The following PARP4 variants were observed in gnomAD, a reference collection of about 807,000 sequenced individuals.
PARP4 encodes protein mono-ADP-ribosyltransferase PARP4.
A neutral mutation model predicts 187.7 loss-of-function variants in PARP4; 120 were observed. The ratio of observed to expected loss-of-function variants is 0.64; its 90% CI spans 0.55 to 0.74. The LOEUF (loss-of-function observed/expected upper bound fraction) is 0.74. PARP4 is among the 30% of genes least tolerant of loss of function. The pLI, the probability that PARP4 is intolerant of heterozygous loss-of-function variation, is 0.00. For missense variants in PARP4, 1,836 were observed against 2,070.5 expected (o/e 0.89, Z 2.20); for synonymous variants, 654 against 740.9 (o/e 0.88, Z 1.90).
intron 30 of PARP4, among the ~76,000 whole-genome samples, chr13:24,440,963 C>T: frequency 6.6e-6 from 1 of 152,084 alleles, no homozygotes; most frequent in Admixed American, 6.5e-5. Flanking sequence ...ACCTCTGCTT[C>T]CTAGGTGCAA....
chr13:24,502,661 T>C (rs1171062689), intron 2 of PARP4, among the ~76,000 whole-genome samples: 2 of 152,226 alleles, frequency 1.3e-5, no homozygotes, highest in Non-Finnish European at 2.9e-5. Context: ...TTCCACAAAG[T>C]TGCACTCACA....
intron 21 of PARP4, 95 bp downstream of exon 21, chr13:24,456,246 T>C (rs1174485304): frequency 3.1e-6 from 3 of 983,602 alleles, no homozygotes; most frequent in African/African-American, 3.2e-5. Flanking sequence ...GTAATGCTAG[T>C]TTTTCAGGAC....
chr13:24,439,326 CA>C (rs34752537), intron 30 of PARP4, among the ~76,000 whole-genome samples: 73,860 of 139,454 alleles, frequency 0.53, 19,557 homozygotes, highest in South Asian at 0.65. Flanking sequence ...GACCCTGTCT[CA>C]AAAAAAAAAA....
At chr13:24,426,643 C>A in intron 32 of PARP4, 45 bp from the exon 33 acceptor site, 1 of 1,557,284 alleles carries the variant, frequency 6.4e-7, no homozygotes, top group Non-Finnish European at 8.8e-7. Flanking sequence ...AACTCTGCAT[C>A]TCAAACTGTG....
intron 12 of PARP4, 109 bp downstream of exon 12, chr13:24,484,544 T>C: frequency 2.7e-6 from 2 of 731,010 alleles, no homozygotes; most frequent in East Asian, 2.5e-5. Flanking sequence ...AGGTCATATA[T>C]AATAGATAAA....
intron 24 of PARP4, among the ~76,000 whole-genome samples, chr13:24,451,768 A>G (rs1871531882): frequency 6.6e-6 from 1 of 152,220 alleles, no homozygotes; most frequent in Non-Finnish European, 1.5e-5. Flanking sequence ...TGTTTTCCTT[A>G]CACATACACC....
At chr13:24,492,951 G>C (rs1161244181) in intron 8 of PARP4, among the ~76,000 whole-genome samples, 1 of 152,176 alleles carries the variant, frequency 6.6e-6, no homozygotes. Flanking sequence ...AATCAGACCA[G>C]GGATAAAAAC....
At chr13:24,484,626 G>A (rs1454249949) in intron 12 of PARP4, 27 bp downstream of exon 12, 15 of 1,465,470 alleles carry the variant, frequency 1.0e-5, no homozygotes, top group Admixed American at 1.7e-5. Flanking sequence ...ATTCAGTAAC[G>A]ATTCTGTGAT....
rs1387209108 is a variant in PARP4, at chr13:24,501,701, A to T, written c.266T>A (p.Val89Glu). ...GGGCTTATAAGGATCATAATTCTTTACATCCAAGAGTCTCTTTTCCCTGAT... is the reference window on the plus strand; with the variant it reads ...GGGCTTATAAGGATCATAATTCTTTTCATCCAAGAGTCTCTTTTCCCTGAT... ...KSIREKRLLD[V>E]KNYDPYKPLD... The change falls in exon 3 of 34, where the codon GTA (valine) becomes GAA (glutamate). Residue 89 changes from valine to glutamate, a missense_variant. Physicochemically the swap from Val to Glu is moderately radical, Grantham distance 121. Around this residue, in one of 8 missense-constraint regions of PARP4, gnomAD observed 1,147 missense variants for 1,214.2 expected, o/e 0.94. Coordinates refer to ENST00000381989, the MANE Select transcript of PARP4 (RefSeq NM_006437.4). The T allele has an allele frequency of 6.2e-7, 1 of 1,613,362 alleles. No individual in the cohort carries two copies. The highest frequency in any genetic ancestry group is 1.7e-5 in the Admixed American group (1 of 60,010).
Position 24,421,004 on chromosome 13 carries a change from A to G in PARP4, c.*115T>C. On this transcript the variant is annotated 3_prime_UTR_variant, in exon 34 of 34. Coordinates refer to ENST00000381989, the MANE Select transcript of PARP4 (RefSeq NM_006437.4). ...CTTCTTCCACTTAATTTTTAAAGAC[A>G]GTAATTGCTACACTGAATGAAACCT... 2 of 1,308,468 alleles carry G rather than the reference A, an allele frequency of 1.5e-6. No individual in the cohort carries two copies. The highest frequency in any genetic ancestry group is 2.0e-6 in the Non-Finnish European group (2 of 999,690). The allele number at this position is 1,308,468 out of a possible 1,614,324, so 81.1% of individuals were successfully genotyped here.
At chr13:24,460,220 C>T (rs1872141195) in intron 17 of PARP4, 84 bp from the exon 18 acceptor site, 2 of 1,165,876 alleles carry the variant, frequency 1.7e-6, no homozygotes, top group African/African-American at 1.5e-5. Context: ...TCTTAAGCAA[C>T]TTGAATGACA....
Position 24,435,041 on chromosome 13 carries a change from C to A in PARP4, c.4100G>T (p.Gly1367Val). 1 of 1,613,974 alleles carries A rather than the reference C, an allele frequency of 6.2e-7. No individual in the cohort carries two copies. Among genetic ancestry groups the A allele is most frequent in the Non-Finnish European group, 8.5e-7 (1 of 1,180,028 alleles). The change falls in exon 31 of 34, where the codon GGC becomes GTC. Residue 1367 changes from glycine (G) to valine (V), a missense_variant. Physicochemically the swap from Gly to Val is moderately radical, Grantham distance 109. Transcript: ENST00000381989. ...GTCAGCACAAGTGCCAGGCACAGGG[C>A]CTTGGCTGAATTGAGATGCATCAAA... ...RQFDASQFSQ[G>V]PVPGTCADWI...
At chr13:24,461,590 G>A (rs769385924) in intron 17 of PARP4, among the ~76,000 whole-genome samples, 4 of 152,180 alleles carry the variant, frequency 2.6e-5, no homozygotes, top group Non-Finnish European at 5.9e-5. Context: ...CCCAAGGGGA[G>A]TTTGCATTCT....
At chr13:24,502,736 G>A (rs916669212) in intron 2 of PARP4, among the ~76,000 whole-genome samples, 1 of 152,264 alleles carries the variant, frequency 6.6e-6, no homozygotes, top group African/African-American at 2.4e-5. Flanking sequence ...ACTGAGAAGG[G>A]AGAGCAGGCA....
chr13:24,507,466 G>C (rs752480225), intron 1 of PARP4, among the ~76,000 whole-genome samples: 1 of 152,144 alleles, frequency 6.6e-6, no homozygotes, highest in African/African-American at 2.4e-5. Context: ...GACGTCCCCA[G>C]CCTAGGCCTC....
intron 33 of PARP4, among the ~76,000 whole-genome samples, chr13:24,424,556 C>G (rs974273996): frequency 3.3e-5 from 5 of 152,116 alleles, no homozygotes; most frequent in African/African-American, 9.7e-5. Context: ...TATCTACCTT[C>G]CAAAATAACA....
At chr13:24,459,491 A>G in intron 18 of PARP4, 181 bp from the exon 19 acceptor site, 1 of 528,288 alleles carries the variant, frequency 1.9e-6, no homozygotes, top group South Asian at 2.4e-5. Flanking sequence ...ACAACTCACC[A>G]TTTTGACAGA....
At chr13:24,465,277 C>A (rs1425012833) in intron 17 of PARP4, among the ~76,000 whole-genome samples, 1 of 152,138 alleles carries the variant, frequency 6.6e-6, no homozygotes, top group Non-Finnish European at 1.5e-5. Flanking sequence ...ACCCACCAAT[C>A]CCATTACTGG....
chr13:24,453,054 C>G (rs879535005), intron 23 of PARP4, among the ~76,000 whole-genome samples: 1 of 152,134 alleles, frequency 6.6e-6, no homozygotes, highest in Non-Finnish European at 1.5e-5. Context: ...CCTGCCTCAG[C>G]CTTCCAAGTG....
Sources: allele counts gnomAD v4.1 joint callset (sites outside exome capture counted in the v4.1 genomes callset), GRCh38; gene constraint gnomAD v4.1.1; regional missense constraint gnomAD v4.1.1; transcripts MANE v1.5; gene names NCBI Gene and HGNC (gene_info 2026-07-23, HGNC 2026-07-21).